Variants in ZNF804B observed in about 807,000 individuals in gnomAD.
ZNF804B encodes the protein zinc finger 804B.
In ZNF804B, 80 loss-of-function variants were observed where a neutral mutation model predicts 101.4. The observed-to-expected ratio is 0.79, with a 90% CI of 0.66 to 0.95. ZNF804B has a LOEUF of 0.95. Among genes scored for constraint, ZNF804B ranks in the 40% least tolerant of loss-of-function variants. The pLI is 0.00. For missense variants in ZNF804B, 1,673 were observed against 1,561.9 expected (o/e 1.07, Z -1.20); for synonymous variants, 622 against 558.8 (o/e 1.11, Z -1.59).
intron 1 of ZNF804B, among the ~76,000 whole-genome samples, chr7:88,852,344 A>G (rs1465185808): frequency 6.6e-6 from 1 of 152,058 alleles, no homozygotes; most frequent in East Asian, 1.9e-4. Context: ...AGGATATTTT[A>G]CTGATGTGTT....
intron 1 of ZNF804B, among the ~76,000 whole-genome samples, chr7:89,071,793 C>CACACACACAT (rs1554361368): frequency 1.4e-4 from 21 of 152,016 alleles, no homozygotes; most frequent in African/African-American, 5.1e-4. Context: ...CACACACACA[C>CACACACACAT]ACACACACAC....
Position 89,031,236 on chromosome 7 carries a change from G to GA in ZNF804B, c.109-186909dup, listed in dbSNP as rs549764211. On this transcript the variant is annotated intron_variant, in intron 1 of 3. Coordinates refer to ENST00000333190, the MANE Select transcript of ZNF804B (RefSeq NM_181646.5). Reference sequence around the variant, plus strand: ...GTATATATATATATATCAGAAATAGGAAAAAAAAAACCCTGCTCAGACATT... The same window carrying GA: ...GTATATATATATATATCAGAAATAGGAAAAAAAAAAACCCTGCTCAGACATT... Among the ~76,000 whole-genome samples, 1,175 of 142,396 alleles carry GA rather than the reference G, an allele frequency of 8.3e-3. 44 individuals carry two copies. The East Asian group carries it at 0.12, about 14-fold the overall frequency. The allele number at this position is 142,396 out of a possible 152,430, so 93.4% of individuals were successfully genotyped here.
chr7:89,301,703 T>C (rs572313737), intron 2 of ZNF804B, among the ~76,000 whole-genome samples: 9 of 152,008 alleles, frequency 5.9e-5, no homozygotes, highest in African/African-American at 2.2e-4. Flanking sequence ...ATGAGAGTAA[T>C]GCATAGTAGT....
chr7:89,162,196 T>C (rs912549733), intron 1 of ZNF804B, among the ~76,000 whole-genome samples: 2 of 152,158 alleles, frequency 1.3e-5, no homozygotes, highest in African/African-American at 4.8e-5. Flanking sequence ...TTAACAAGTA[T>C]AGATACACAT....
intron 1 of ZNF804B, among the ~76,000 whole-genome samples, chr7:88,797,672 T>C (rs547368919): frequency 1.3e-5 from 2 of 152,266 alleles, no homozygotes; most frequent in African/African-American, 4.8e-5. Context: ...ACTAGTCTTT[T>C]ATACACAGGT....
chr7:88,922,840 G>A (rs908528279), intron 1 of ZNF804B, among the ~76,000 whole-genome samples: 3 of 151,802 alleles, frequency 2.0e-5, no homozygotes, highest in Admixed American at 6.6e-5. Context: ...TTAGTATAAT[G>A]ATTTCAATAT....
chr7:89,313,638 G>T (rs1163538934), intron 2 of ZNF804B, among the ~76,000 whole-genome samples: 1 of 152,122 alleles, frequency 6.6e-6, no homozygotes, highest in African/African-American at 2.4e-5. Flanking sequence ...GCAGGTAGGG[G>T]AATAAAGATT....
At chr7:89,327,712 A>G (rs1790917533) in intron 3 of ZNF804B, among the ~76,000 whole-genome samples, 3 of 152,000 alleles carry the variant, frequency 2.0e-5, no homozygotes, top group Non-Finnish European at 2.9e-5. Context: ...ATTCAAATAC[A>G]TTAGCATTTA....
chr7:89,086,178 C>G (rs1789797855), intron 1 of ZNF804B, among the ~76,000 whole-genome samples: 1 of 151,952 alleles, frequency 6.6e-6, no homozygotes, highest in African/African-American at 2.4e-5. Context: ...TAGGCTTTAA[C>G]TGCAGTTTTC....
At chr7:89,035,688 T>A (rs1213436395) in intron 1 of ZNF804B, among the ~76,000 whole-genome samples, 2 of 151,494 alleles carry the variant, frequency 1.3e-5, no homozygotes, top group Non-Finnish European at 2.9e-5. Flanking sequence ...GATGGCATGA[T>A]CCTATTTCAA....
At chr7:89,084,061 G>T (rs1183006508) in intron 1 of ZNF804B, among the ~76,000 whole-genome samples, 1 of 151,954 alleles carries the variant, frequency 6.6e-6, no homozygotes, top group East Asian at 1.9e-4. Context: ...GGCAAGTCTT[G>T]ATGAGCTGTC....
chr7:89,138,698 A>T (rs1165727641), intron 1 of ZNF804B, among the ~76,000 whole-genome samples: 2 of 151,968 alleles, frequency 1.3e-5, no homozygotes, highest in Non-Finnish European at 2.9e-5. Context: ...GGAGGTACTG[A>T]TGGGAGGTAA....
Position 89,092,408 on chromosome 7 carries a change from G to GTTTTTTT in ZNF804B, c.109-125731_109-125725dup, listed in dbSNP as rs71120056. 4.2e-4 allele frequency among the ~76,000 whole-genome samples: 39 copies of GTTTTTTT among 93,814 alleles called. 1 individual carries two copies. Among genetic ancestry groups the GTTTTTTT allele is most frequent in the East Asian group, 7.3e-4 (2 of 2,744 alleles). The allele number at this position is 93,814 out of a possible 152,430, so 61.5% of individuals were successfully genotyped here. ...CTAACATTGATTTCTTTTCTTTTCT[G>GTTTTTTT]TTTTTTTTTTTTTTTTTTTTTTGAG... On this transcript the variant is annotated intron_variant, in intron 1 of 3. Coordinates refer to ENST00000333190, the MANE Select transcript of ZNF804B (RefSeq NM_181646.5).
At chr7:89,317,267 G>A (rs1037354976) in intron 2 of ZNF804B, among the ~76,000 whole-genome samples, 1 of 152,198 alleles carries the variant, frequency 6.6e-6, no homozygotes. Flanking sequence ...TTGATTATAG[G>A]TTGAACCATG....
At chr7:88,932,386 A>G (rs551898044) in intron 1 of ZNF804B, among the ~76,000 whole-genome samples, 228 of 152,104 alleles carry the variant, frequency 1.5e-3, no homozygotes, top group Non-Finnish European at 2.7e-3. Context: ...ATAAGAAAAG[A>G]AATCACAAAG....
In ZNF804B at chr7:89,334,291, G is replaced by T. The variant is rs578134789; in HGVS notation, c.1309G>T (p.Ala437Ser). ...LVKEACTHNV[A>S]SKPLPFLHVQ... ...AAAAGAAGCATGTACCCATAATGTG[G>T]CATCTAAACCACTACCTTTTCTCCA... is the stretch of plus-strand genomic sequence containing the variant. Residue 437 changes from alanine (A) to serine (S), a missense_variant, in exon 4 of 4, where the codon GCA (alanine) becomes TCA (serine). Coordinates refer to ENST00000333190, the MANE Select transcript of ZNF804B (RefSeq NM_181646.5). 7 of 1,613,678 alleles carry T rather than the reference G, an allele frequency of 4.3e-6. No individual in the cohort carries two copies. The highest frequency in any genetic ancestry group is 5.9e-6 in the Non-Finnish European group (7 of 1,179,852).
At chr7:89,161,761 T>G (rs1383662906) in intron 1 of ZNF804B, among the ~76,000 whole-genome samples, 1 of 152,114 alleles carries the variant, frequency 6.6e-6, no homozygotes, top group East Asian at 1.9e-4. Context: ...AATATCTGGT[T>G]AAAGTTGACA....
At position 88,858,708 on chromosome 7, in the gene ZNF804B, A is replaced by G. The variant is rs1337693241; in HGVS notation, c.108+98624A>G. On this transcript the variant is annotated intron_variant, in intron 1 of 3. Transcript: ENST00000333190. Reference sequence around the variant, plus strand: ...ATGAATTATATTTATAGTAATATTGAGATAATAATAATATCATTTGAAAGA... The same window carrying G: ...ATGAATTATATTTATAGTAATATTGGGATAATAATAATATCATTTGAAAGA... 2.0e-5 allele frequency among the ~76,000 whole-genome samples: 3 copies of G among 152,150 alleles called. No homozygotes were observed. In the East Asian group the frequency reaches 5.8e-4, roughly 29 times the overall value.
chr7:89,201,561 A>C (rs1788638221), intron 1 of ZNF804B, among the ~76,000 whole-genome samples: 1 of 152,006 alleles, frequency 6.6e-6, no homozygotes, highest in African/African-American at 2.4e-5. Flanking sequence ...GAAAATAATC[A>C]AAAGGAGCAT....
Sources: allele counts gnomAD v4.1 joint callset (sites outside exome capture counted in the v4.1 genomes callset), GRCh38; gene constraint gnomAD v4.1.1; transcripts MANE v1.5; gene names NCBI Gene and HGNC (gene_info 2026-07-23, HGNC 2026-07-21).